GPM6A: variants seen among roughly 807,000 people sequenced by gnomAD.
GPM6A encodes neuronal membrane glycoprotein M6-a.
GPM6A carries 7 observed loss-of-function variants against 32.1 expected under a neutral mutation model. That is an observed-to-expected ratio of 0.22 (90% CI 0.12 to 0.41). The LOEUF (loss-of-function observed/expected upper bound fraction) is 0.41. Among genes scored for constraint, GPM6A ranks in the 10% least tolerant of loss-of-function variants. The pLI, the probability that GPM6A is intolerant of heterozygous loss-of-function variation, is 1.00. For synonymous variants in GPM6A, 130 were observed against 123.4 expected (o/e 1.05, Z -0.35); for missense variants, 235 against 347.2 (o/e 0.68, Z 2.57).
At chr4:175,644,126 T>G (rs1741315007) in intron 4 of GPM6A, among the ~76,000 whole-genome samples, 2 of 147,986 alleles carry the variant, frequency 1.4e-5, no homozygotes, top group African/African-American at 5.0e-5. Context: ...CGTTTGTTTT[T>G]TTTTTTTTTT....
chr4:175,842,039 G>T (rs1735952947), intron 1 of GPM6A, among the ~76,000 whole-genome samples: 1 of 152,054 alleles, frequency 6.6e-6, no homozygotes, highest in Non-Finnish European at 1.5e-5. Context: ...AATGATGTGA[G>T]ATAGATTTAC....
chr4:175,993,799 T>C (rs1741222647), intron 1 of GPM6A, among the ~76,000 whole-genome samples: 1 of 152,100 alleles, frequency 6.6e-6, no homozygotes, highest in Non-Finnish European at 1.5e-5. Flanking sequence ...CAAATAACTA[T>C]AATGCAAGGA....
chr4:175,996,118 A>T (rs1741300352), intron 1 of GPM6A, among the ~76,000 whole-genome samples: 2 of 152,202 alleles, frequency 1.3e-5, no homozygotes, highest in South Asian at 4.1e-4. Context: ...GGTTGAAACT[A>T]ACTCTGTCCT....
chr4:175,824,390 C>T (rs980578268), intron 1 of GPM6A, among the ~76,000 whole-genome samples: 4 of 152,180 alleles, frequency 2.6e-5, no homozygotes, highest in Non-Finnish European at 4.4e-5. Flanking sequence ...AAGCAACCCG[C>T]TGCCATTGTC....
At chr4:175,644,182 G>A (rs1741320920) in intron 4 of GPM6A, among the ~76,000 whole-genome samples, 1 of 137,010 alleles carries the variant, frequency 7.3e-6, no homozygotes, top group Admixed American at 7.9e-5. Flanking sequence ...AGACTGCAGT[G>A]GCGCTATCTC....
At chr4:175,783,346 GATGTT>G (rs1733682993) in intron 1 of GPM6A, among the ~76,000 whole-genome samples, 1 of 151,682 alleles carries the variant, frequency 6.6e-6, no homozygotes, top group African/African-American at 2.4e-5. Context: ...AATTATTCAT[GATGTT>G]ATATTTTTCT....
chr4:175,986,811 C>T (rs1194832328), intron 1 of GPM6A, among the ~76,000 whole-genome samples: 1 of 152,158 alleles, frequency 6.6e-6, no homozygotes, highest in African/African-American at 2.4e-5. Flanking sequence ...AGCCCCACCC[C>T]CTAATTGAGC....
intron 1 of GPM6A, among the ~76,000 whole-genome samples, chr4:175,955,621 T>G (rs1017686717): frequency 2.6e-5 from 4 of 152,218 alleles, no homozygotes; most frequent in Non-Finnish European, 5.9e-5. Flanking sequence ...GAGTATCCAA[T>G]CTATCTCTGG....
intron 1 of GPM6A, among the ~76,000 whole-genome samples, chr4:175,846,212 A>G (rs1214552015): frequency 2.0e-5 from 3 of 152,118 alleles, no homozygotes; most frequent in Non-Finnish European, 4.4e-5. Context: ...TTTTGTACAT[A>G]TAGGCTTATT....
intron 1 of GPM6A, among the ~76,000 whole-genome samples, chr4:175,727,697 T>C (rs1731237794): frequency 6.6e-6 from 1 of 152,152 alleles, no homozygotes; most frequent in Non-Finnish European, 1.5e-5. Flanking sequence ...AATGTAATTA[T>C]ACAATTATAA....
intron 2 of GPM6A, among the ~76,000 whole-genome samples, chr4:175,700,539 G>A (rs912184998): frequency 2.6e-5 from 4 of 152,092 alleles, no homozygotes; most frequent in African/African-American, 7.2e-5. Context: ...AAAAAGCAAA[G>A]CTACACTAAC....
At chr4:175,968,941 C>CT (rs1172086402) in intron 1 of GPM6A, among the ~76,000 whole-genome samples, 1 of 152,150 alleles carries the variant, frequency 6.6e-6, no homozygotes, top group Non-Finnish European at 1.5e-5. Flanking sequence ...GAATTAAAAA[C>CT]TTTAGACTAC....
intron 2 of GPM6A, among the ~76,000 whole-genome samples, chr4:175,689,847 C>A (rs1324002066): frequency 6.6e-6 from 1 of 152,186 alleles, no homozygotes; most frequent in Non-Finnish European, 1.5e-5. Flanking sequence ...CTAGTTCTGT[C>A]ACTGCTTAGA....
intron 1 of GPM6A, among the ~76,000 whole-genome samples, chr4:175,809,285 T>A (rs1385031326): frequency 1.3e-5 from 2 of 152,222 alleles, no homozygotes; most frequent in Non-Finnish European, 2.9e-5. Flanking sequence ...CTTGTTGCCA[T>A]GATTTTGTGA....
Position 175,634,719 on chromosome 4 carries a change from A to G in GPM6A, c.*186T>C. The G allele has an allele frequency of 5.8e-6, 3 of 517,362 alleles. No homozygotes were observed. The highest frequency in any genetic ancestry group is 1.0e-5 in the Non-Finnish European group (3 of 295,230). 32.0% of individuals were successfully genotyped at this position (517,362 alleles called of 1,614,324 possible). ...AGCTTGTAGAAAAGATCTGATTTAC[A>G]TCAATTTAATAAATTGGGAAATTTA... On this transcript the variant is annotated 3_prime_UTR_variant, in exon 7 of 7. Coordinates refer to ENST00000393658, the MANE Select transcript of GPM6A (RefSeq NM_201591.3).
intron 4 of GPM6A, among the ~76,000 whole-genome samples, chr4:175,644,946 A>C (rs1469644324): frequency 6.6e-6 from 1 of 151,868 alleles, no homozygotes; most frequent in Non-Finnish European, 1.5e-5. Flanking sequence ...GTCTCTACTA[A>C]AAAAATACAA....
chr4:175,666,245 T>C (rs1742747866), intron 3 of GPM6A, among the ~76,000 whole-genome samples: 1 of 152,104 alleles, frequency 6.6e-6, no homozygotes. Context: ...TGACCCGTGT[T>C]CCCAATACAA....
At chr4:175,873,108 T>G (rs1286038875) in intron 1 of GPM6A, among the ~76,000 whole-genome samples, 1 of 152,108 alleles carries the variant, frequency 6.6e-6, no homozygotes, top group African/African-American at 2.4e-5. Context: ...ATTAGATAGA[T>G]AGATATGTTA....
Position 175,640,829 on chromosome 4 carries a change from C to G in GPM6A, c.542G>C (p.Gly181Ala). Residue 181 changes from glycine (G) to alanine (A), a missense_variant and splice_region_variant, in exon 5 of 7, where the codon GGA (glycine) becomes GCA (alanine). Around this residue, in one of 3 missense-constraint regions of GPM6A, gnomAD observed 107 missense variants for 116.7 expected, o/e 0.92. Transcript: ENST00000393658. ...ANLCLDLRQFGIVTIGEEKKI... is the reference protein window; with the variant it reads ...ANLCLDLRQFAIVTIGEEKKI... Reference sequence around the variant, plus strand: ...CTTTTCCTCTCCAATTGTCACAATTCCTACAATGTGTGGGAAATGACAGTT... The same window carrying G: ...CTTTTCCTCTCCAATTGTCACAATTGCTACAATGTGTGGGAAATGACAGTT... 6.3e-7 allele frequency: 1 copy of G among 1,584,050 alleles called. No homozygotes were observed. Among genetic ancestry groups the G allele is most frequent in the Middle Eastern group, 1.7e-4 (1 of 5,996 alleles).
Sources: gnomAD v4.1 joint callset for allele counts (sites outside exome capture counted in the v4.1 genomes callset) on GRCh38, gnomAD v4.1.1 for gene constraint, gnomAD v4.1.1 regional missense constraint, MANE v1.5 for transcripts, NCBI Gene and HGNC (gene_info 2026-07-23, HGNC 2026-07-21) for gene names.